The following CLIC6 variants were observed in gnomAD, a reference collection of about 807,000 sequenced individuals.
CLIC6 encodes the protein chloride intracellular channel protein 6.
A neutral mutation model predicts 49.2 loss-of-function variants in CLIC6; 39 were observed. The observed-to-expected ratio is 0.79, with a 90% confidence interval of 0.61 to 1.04. The LOEUF is 1.04. Among genes scored for constraint, CLIC6 ranks in the 50% least tolerant of loss-of-function variants. CLIC6 has a pLI of 0.00. For synonymous variants in CLIC6, 446 were observed against 433.4 expected (o/e 1.03, Z -0.36); for missense variants, 988 against 993.1 (o/e 0.99, Z 0.07).
At chr21:34,679,810 C>G (rs528017678) in intron 1 of CLIC6, among the ~76,000 whole-genome samples, 2 of 99,008 alleles carry the variant, frequency 2.0e-5, no homozygotes, top group African/African-American at 8.3e-5. Flanking sequence ...CCAAGTCACA[C>G]TGATGCATGA....
At chr21:34,696,940 C>T (rs765746001) in intron 1 of CLIC6, among the ~76,000 whole-genome samples, 7 of 152,140 alleles carry the variant, frequency 4.6e-5, no homozygotes, top group Non-Finnish European at 1.0e-4. Flanking sequence ...ATTCCTGGGA[C>T]GCGGCACCCG....
chr21:34,676,303 G>T (rs1409216461), intron 1 of CLIC6, among the ~76,000 whole-genome samples: 1 of 152,068 alleles, frequency 6.6e-6, no homozygotes, highest in Non-Finnish European at 1.5e-5. Flanking sequence ...GGCTCAGAGG[G>T]ATCCTCATGC....
intron 1 of CLIC6, among the ~76,000 whole-genome samples, chr21:34,678,947 A>G (rs1989725142): frequency 6.6e-6 from 1 of 152,252 alleles, no homozygotes; most frequent in South Asian, 2.1e-4. Flanking sequence ...AAGTTCAAAC[A>G]TATCCTCAAT....
intron 1 of CLIC6, among the ~76,000 whole-genome samples, chr21:34,676,054 G>A (rs1989665097): frequency 1.3e-5 from 2 of 152,210 alleles, no homozygotes; most frequent in Non-Finnish European, 2.9e-5. Context: ...TTTACCTTCA[G>A]CACGGGTTCC....
At chr21:34,680,624 C>T (rs1451525638) in intron 1 of CLIC6, among the ~76,000 whole-genome samples, 1 of 152,162 alleles carries the variant, frequency 6.6e-6, no homozygotes, top group Non-Finnish European at 1.5e-5. Context: ...AAATTTCTTC[C>T]ACCAGATACC....
In CLIC6 at chr21:34,715,535, C is replaced by T. The variant is rs185159191; in HGVS notation, c.1900-786C>T. On this transcript the variant is annotated intron_variant, in intron 5 of 5. Coordinates refer to ENST00000349499, the MANE Select transcript of CLIC6 (RefSeq NM_053277.3). ...ACCCTGATCTTGGACTTCTGGCCCC[C>T]AGAACTAGGAATCAGTAAACTTCTG... Among the ~76,000 whole-genome samples the T allele has an allele frequency of 1.6e-3, 240 of 152,282 alleles. 4 individuals carry two copies. The highest frequency in any genetic ancestry group is 3.5e-3 in the Admixed American group (54 of 15,290).
intron 1 of CLIC6, among the ~76,000 whole-genome samples, chr21:34,691,306 T>C (rs79186880): frequency 1.2e-3 from 182 of 151,832 alleles, no homozygotes; most frequent in Middle Eastern, 0.01. Context: ...TTGATAGTTC[T>C]AATAAAATGT....
At chr21:34,712,684 G>A (rs182143275) in intron 5 of CLIC6, among the ~76,000 whole-genome samples, 2 of 152,280 alleles carry the variant, frequency 1.3e-5, no homozygotes, top group Non-Finnish European at 2.9e-5. Context: ...TGGAGGGGAG[G>A]TAAAGAGGGA....
chr21:34,695,972 C>A (rs953738039), intron 1 of CLIC6, among the ~76,000 whole-genome samples: 23 of 152,214 alleles, frequency 1.5e-4, no homozygotes, highest in African/African-American at 5.5e-4. Flanking sequence ...CTTTGCAGGA[C>A]TTCCTGGTTT....
chr21:34,702,739 C>T (rs989786408), intron 1 of CLIC6, among the ~76,000 whole-genome samples: 2 of 152,100 alleles, frequency 1.3e-5, no homozygotes, highest in East Asian at 1.9e-4. Context: ...AGCAAAAGGC[C>T]GGGAAGGGAT....
rs148914738 is a variant in CLIC6 at position 34,670,367 on chromosome 21, G to A, written c.979G>A (p.Ala327Thr). 110 of 1,453,372 alleles carry A rather than the reference G, an allele frequency of 7.6e-5. No individual in the cohort carries two copies. The African/African-American group carries it at 9.4e-4, about 12-fold the overall frequency. The allele number at this position is 1,453,372 out of a possible 1,614,324, so 90.0% of individuals were successfully genotyped here. ...TGCGGGGCGCAGCCCCGGTGAGCTC[G>A]CCTGGGACGCAGCGGAGGAGGCGGA... ...ESAGRSPGEL[A>T]WDAAEEAEVP... The change falls in exon 1 of 6, where the codon GCC becomes ACC. Residue 327 changes from alanine (A) to threonine (T), a missense_variant. This residue lies in a region of CLIC6 where 647 missense variants were observed against 596.9 expected (regional missense o/e 1.08). Transcript: ENST00000349499.
chr21:34,708,101 G>A, intron 3 of CLIC6, 32 bp downstream of exon 3: 7 of 1,612,756 alleles, frequency 4.3e-6, no homozygotes, highest in Non-Finnish European at 5.9e-6. Flanking sequence ...TTCATAACTT[G>A]ATTGTCACTT....
intron 5 of CLIC6, among the ~76,000 whole-genome samples, chr21:34,714,522 T>C (rs1353096027): frequency 6.6e-6 from 1 of 151,978 alleles, no homozygotes; most frequent in Non-Finnish European, 1.5e-5. Flanking sequence ...ACCCCGTCTC[T>C]ACTAAAAAGA....
intron 1 of CLIC6, among the ~76,000 whole-genome samples, chr21:34,673,433 G>A (rs1285557385): frequency 6.6e-6 from 1 of 152,102 alleles, no homozygotes; most frequent in Non-Finnish European, 1.5e-5. Context: ...GAGACTACAG[G>A]CATGCGCCAC....
At chr21:34,715,060 T>C (rs2056078640) in intron 5 of CLIC6, among the ~76,000 whole-genome samples, 1 of 152,242 alleles carries the variant, frequency 6.6e-6, no homozygotes, top group African/African-American at 2.4e-5. Context: ...TCACATTGCA[T>C]CAATGACTGC....
In CLIC6 at chr21:34,669,786, C is replaced by T. The variant is rs1182026774; in HGVS notation, c.398C>T (p.Ala133Val). The T allele has an allele frequency of 1.4e-6, 2 of 1,421,986 alleles. No individual in the cohort carries two copies. The highest frequency in any genetic ancestry group is 1.5e-5 in the South Asian group (1 of 68,304). The allele number at this position is 1,421,986 out of a possible 1,614,324, so 88.1% of individuals were successfully genotyped here. A position where few individuals can be genotyped will look rare whatever the true frequency, so the allele number is the denominator to read the frequency against. ...GCTCAGAGGGAGCCCGAGGACTCTG[C>T]GGCCCCCGAGAGGCAGGAGGAGGCG... Reference protein sequence around the residue: ...GEAQREPEDSAAPERQEEAEQ... With the variant: ...GEAQREPEDSVAPERQEEAEQ... The change falls in exon 1 of 6, where the codon GCG becomes GTG. Residue 133 changes from alanine (A) to valine (V), a missense_variant. Ala to Val is a moderately conservative substitution (Grantham distance 64, BLOSUM62 0). Coordinates refer to ENST00000349499, the MANE Select transcript of CLIC6 (RefSeq NM_053277.3).
chr21:34,710,936 A>G (rs2056052568), intron 5 of CLIC6, among the ~76,000 whole-genome samples: 1 of 152,230 alleles, frequency 6.6e-6, no homozygotes, highest in African/African-American at 2.4e-5. Flanking sequence ...CCAAGCGGAT[A>G]TCCCCACACT....
chr21:34,670,488 CG>C lies in CLIC6; in HGVS notation c.1105del (p.Glu369ArgfsTer64), dbSNP rs1394139507. On this transcript the variant is annotated frameshift_variant, in exon 1 of 6. Transcript: ENST00000349499. LOFTEE classifies it high-confidence loss of function. ...GTAGGGGATGGGCCACAGCAGGAGC[CG>C]GGGGAGGACGAAGAGAGACGAGAGC... Reference protein sequence around the residue: ...DRVGDGPQQEPGEDEERRERS... With the variant: ...DRVGDGPQQEXGEDEERRERS... The C allele has an allele frequency of 2.0e-6, 3 of 1,492,358 alleles. No individual in the cohort carries two copies. Among genetic ancestry groups the C allele is most frequent in the South Asian group, 1.3e-5 (1 of 75,448 alleles). 92.4% of individuals were successfully genotyped at this position (1,492,358 alleles called of 1,614,324 possible).
chr21:34,684,047 G>A (rs1194404243), intron 1 of CLIC6, among the ~76,000 whole-genome samples: 1 of 149,794 alleles, frequency 6.7e-6, no homozygotes, highest in East Asian at 1.9e-4. Context: ...ATAGTATATG[G>A]CTGTTCACAT....
Sources: allele counts gnomAD v4.1 joint callset (sites outside exome capture counted in the v4.1 genomes callset), GRCh38; gene constraint gnomAD v4.1.1; regional missense constraint gnomAD v4.1.1; transcripts MANE v1.5; gene names NCBI Gene and HGNC (gene_info 2026-07-23, HGNC 2026-07-21).